Variants in HOPX observed in about 807,000 individuals in gnomAD.
The protein encoded by HOPX is homeodomain-only protein.
HOPX carries 5 observed loss-of-function variants against 11.8 expected under a neutral mutation model. That is an observed-to-expected ratio of 0.43 (90% CI 0.22 to 0.89). The LOEUF (loss-of-function observed/expected upper bound fraction) is 0.89, where lower values mean the gene tolerates loss of function less well. HOPX is among the 40% of genes least tolerant of loss of function. HOPX has a pLI of 0.28. For synonymous variants in HOPX, 49 were observed against 49.7 expected, an observed-to-expected ratio of 0.99 and a Z score of 0.06; for missense variants, 119 against 120.0, an observed-to-expected ratio of 0.99 and a Z score of 0.04.
Position 56,648,036 on chromosome 4 carries a change from T to C in HOPX, c.*684A>G, listed in dbSNP as rs1716820821. On this transcript the variant is annotated 3_prime_UTR_variant, in exon 4 of 4. Transcript: ENST00000420433. ...TAAGGTTTTATTTAGAATATCATTT[T>C]AGAGACAAAAAGCAGTTCACTTTAT... 1 of 152,088 alleles carries C rather than the reference T, an allele frequency of 6.6e-6. No individual in the cohort carries two copies. Among genetic ancestry groups the C allele is most frequent in the African/African-American group, 2.4e-5 (1 of 41,352 alleles). The allele number at this position is 152,088 out of a possible 1,614,324, so 9.4% of individuals were successfully genotyped here. A position where few individuals can be genotyped will look rare whatever the true frequency, so the allele number is the denominator to read the frequency against.
At chr4:56,648,927 G>T (rs774216994) in intron 3 of HOPX, 130 bp from the exon 4 acceptor site, 8 of 639,218 alleles carry the variant, frequency 1.3e-5, no homozygotes, top group Non-Finnish European at 2.2e-5. Flanking sequence ...CATAGGGATG[G>T]TTCTCACTGT....
At position 56,655,863 on chromosome 4, in the gene HOPX, CT is replaced by C; in HGVS notation, c.191del (p.Glu64GlyfsTer40). The C allele has an allele frequency of 6.2e-7, 1 of 1,611,210 alleles. No homozygotes were observed. The highest frequency in any genetic ancestry group is 1.7e-5 in the Admixed American group (1 of 59,784). The part of the protein sequence containing the change: ...IAAEAGLSEE[E>X]TQKWFKQRLA... ...GGCGCGTGTGGGGACGCACCTGGGT[CT>C]CCTCCTCGGAAAGGCCTGCCTCGGC... On this transcript the variant is annotated frameshift_variant, in exon 3 of 4. Coordinates refer to ENST00000420433, the MANE Select transcript of HOPX (RefSeq NM_032495.6). LOFTEE classifies it high-confidence loss of function.
chr4:56,659,827 T>A (rs1198726132), intron 1 of HOPX, among the ~76,000 whole-genome samples: 1 of 152,250 alleles, frequency 6.6e-6, no homozygotes, highest in East Asian at 1.9e-4. Flanking sequence ...CATCTTAACA[T>A]TTAAGTAGAT....
chr4:56,680,183 C>A (rs1008584598), intron 1 of HOPX: 1 of 151,924 alleles, frequency 6.6e-6, no homozygotes, highest in Non-Finnish European at 1.5e-5. Flanking sequence ...TTCTAGGAGT[C>A]CAGAAAGTGA....
intron 1 of HOPX, among the ~76,000 whole-genome samples, chr4:56,666,465 G>C (rs1461559413): frequency 6.6e-6 from 1 of 152,206 alleles, no homozygotes; most frequent in African/African-American, 2.4e-5. Context: ...AAAGCCATTG[G>C]AGGAAAGGGT....
intron 1 of HOPX, among the ~76,000 whole-genome samples, chr4:56,668,100 T>C (rs570173627): frequency 6.6e-6 from 1 of 152,150 alleles, no homozygotes; most frequent in African/African-American, 2.4e-5. Context: ...AATTTTTGTA[T>C]TTTTAGTAGA....
chr4:56,651,874 G>T (rs1560360774), intron 3 of HOPX, among the ~76,000 whole-genome samples: 1 of 63,246 alleles, frequency 1.6e-5, no homozygotes, highest in Admixed American at 1.7e-4. Flanking sequence ...GAGAGAGAGA[G>T]TGTGTGTGTG....
intron 1 of HOPX, among the ~76,000 whole-genome samples, chr4:56,677,098 G>T (rs184948507): frequency 6.6e-6 from 1 of 151,820 alleles, no homozygotes; most frequent in Non-Finnish European, 1.5e-5. Context: ...AAATCCTTAT[G>T]AGCAGAATTT....
At chr4:56,656,364 T>A in intron 2 of HOPX, 1 of 1,027,712 alleles carries the variant, frequency 9.7e-7, no homozygotes, top group Non-Finnish European at 1.2e-6. Context: ...AAGGAAGGAG[T>A]GAAGGAAGCG....
intron 1 of HOPX, among the ~76,000 whole-genome samples, chr4:56,667,218 A>G (rs1340385846): frequency 6.6e-6 from 1 of 151,898 alleles, no homozygotes; most frequent in East Asian, 1.9e-4. Context: ...CTTTATCTTG[A>G]CATAAAAGCA....
intron 1 of HOPX, chr4:56,678,638 G>T (rs1719152800): frequency 6.6e-6 from 1 of 151,832 alleles, no homozygotes; most frequent in African/African-American, 2.4e-5. Flanking sequence ...TAAAGATGAG[G>T]TTTCACCATG....
intron 2 of HOPX, among the ~76,000 whole-genome samples, chr4:56,656,793 CTCTT>C (rs1472225428): frequency 6.6e-6 from 1 of 152,202 alleles, no homozygotes; most frequent in Non-Finnish European, 1.5e-5. Context: ...TTCGCCCCCA[CTCTT>C]TCTAAGTATG....
At chr4:56,666,738 T>TAGG (rs528784259) in intron 1 of HOPX, among the ~76,000 whole-genome samples, 241 of 152,352 alleles carry the variant, frequency 1.6e-3, no homozygotes, top group African/African-American at 5.7e-3. Context: ...AATTTCCATA[T>TAGG]AGATCTCCAT....
intron 1 of HOPX, among the ~76,000 whole-genome samples, chr4:56,674,196 C>A (rs1188592773): frequency 6.6e-6 from 1 of 151,550 alleles, no homozygotes; most frequent in African/African-American, 2.4e-5. Flanking sequence ...AGTCTATGTC[C>A]CAGGAAGAGG....
chr4:56,671,098 A>T (rs1397287828), intron 1 of HOPX, among the ~76,000 whole-genome samples: 1 of 152,088 alleles, frequency 6.6e-6, no homozygotes, highest in Non-Finnish European at 1.5e-5. Context: ...TCTTTCTAAA[A>T]ATGTTCTCAT....
intron 1 of HOPX, chr4:56,659,572 TTC>T (rs1034222044): frequency 5.3e-5 from 8 of 152,170 alleles, no homozygotes; most frequent in African/African-American, 1.4e-4. Flanking sequence ...GAGAGAATTG[TTC>T]TTTTAAGTAT....
intron 1 of HOPX, among the ~76,000 whole-genome samples, chr4:56,674,469 T>C (rs1007553287): frequency 1.3e-5 from 2 of 151,626 alleles, no homozygotes; most frequent in African/African-American, 2.4e-5. Context: ...TTAAGAATCC[T>C]AGGAAATTTT....
intron 1 of HOPX, chr4:56,663,420 A>G (rs4365784): frequency 0.8 from 122,226 of 152,174 alleles, 49,780 homozygotes; most frequent in African/African-American, 0.95. Flanking sequence ...TATCTCAGTA[A>G]TTAGTCCATC....
intron 1 of HOPX, chr4:56,659,462 C>T (rs1364626903): frequency 6.6e-6 from 1 of 152,172 alleles, no homozygotes; most frequent in Non-Finnish European, 1.5e-5. Flanking sequence ...GGGGGCATCG[C>T]CCAAGCTGTC....
Sources: allele counts gnomAD v4.1 joint callset (sites outside exome capture counted in the v4.1 genomes callset), GRCh38; gene constraint gnomAD v4.1.1; transcripts MANE v1.5; gene names NCBI Gene and HGNC (gene_info 2026-07-23, HGNC 2026-07-21).